Variants in KIF5C observed in about 807,000 individuals in gnomAD.
KIF5C encodes kinesin family member 5C, also known as kinesin heavy chain isoform 5C.
A neutral mutation model predicts 125.2 loss-of-function variants in KIF5C; 18 were observed. The observed-to-expected ratio is 0.14, with a 90% CI of 0.10 to 0.21. The LOEUF is 0.21. KIF5C is among the 10% of genes least tolerant of loss of function. The pLI, the probability that KIF5C is intolerant of heterozygous loss-of-function variation, is 1.00. For synonymous variants in KIF5C, 405 were observed against 434.0 expected (o/e 0.93, Z 0.83); for missense variants, 780 against 1,183.8 (o/e 0.66, Z 5.01).
chr2:149,005,820 CAG>C (rs1272931512), intron 22 of KIF5C, among the ~76,000 whole-genome samples: 1 of 152,198 alleles, frequency 6.6e-6, no homozygotes, highest in Non-Finnish European at 1.5e-5. Context: ...AGAAGTCGGA[CAG>C]AGAGAGCCTC....
intron 17 of KIF5C, among the ~76,000 whole-genome samples, chr2:148,996,377 T>G (rs1681673968): frequency 1.3e-5 from 2 of 152,242 alleles, no homozygotes; most frequent in South Asian, 4.1e-4. Context: ...ATGTTCTTTG[T>G]GTGGTAACAC....
At chr2:148,885,886 G>A (rs1681506812) in intron 1 of KIF5C, 1 of 152,180 alleles carries the variant, frequency 6.6e-6, no homozygotes, top group Non-Finnish European at 1.5e-5. Flanking sequence ...TTGACACATG[G>A]TGGGACTCTT....
intron 11 of KIF5C, among the ~76,000 whole-genome samples, chr2:148,969,750 T>C (rs988276917): frequency 6.6e-6 from 1 of 152,182 alleles, no homozygotes; most frequent in Admixed American, 6.5e-5. Flanking sequence ...TCCACTGCAG[T>C]GCAGGGAATA....
intron 25 of KIF5C, among the ~76,000 whole-genome samples, chr2:149,021,992 T>G (rs1682546220): frequency 6.6e-6 from 1 of 152,130 alleles, no homozygotes; most frequent in Non-Finnish European, 1.5e-5. Context: ...ACAGAGGCCA[T>G]TCAGGCTGGT....
chr2:148,997,223 C>T (rs774389843), intron 17 of KIF5C, 41 bp from the exon 18 acceptor site: 2 of 1,590,510 alleles, frequency 1.3e-6, no homozygotes, highest in South Asian at 1.1e-5. Flanking sequence ...GTGTGAGTCC[C>T]ACCAGTTAAG....
chr2:148,887,412 C>A (rs1222056649), intron 1 of KIF5C, among the ~76,000 whole-genome samples: 1 of 151,744 alleles, frequency 6.6e-6, no homozygotes, highest in Non-Finnish European at 1.5e-5. Context: ...TATGGAGAGT[C>A]TATTGTGTGC....
At chr2:148,919,207 T>A (rs1273796631) in intron 1 of KIF5C, among the ~76,000 whole-genome samples, 1 of 152,064 alleles carries the variant, frequency 6.6e-6, no homozygotes, top group African/African-American at 2.4e-5. Context: ...AACTCAAGAG[T>A]GTAGACAGAA....
chr2:148,969,441 G>GTGTA (rs1376720500), intron 11 of KIF5C, among the ~76,000 whole-genome samples: 4 of 151,362 alleles, frequency 2.6e-5, no homozygotes, highest in Non-Finnish European at 4.4e-5. Flanking sequence ...GTGTGTGTGT[G>GTGTA]TGTGTGTGTG....
At chr2:148,934,147 CACAG>C (rs1682237220) in intron 3 of KIF5C, among the ~76,000 whole-genome samples, 1 of 151,394 alleles carries the variant, frequency 6.6e-6, no homozygotes, top group African/African-American at 2.4e-5. Context: ...ATCATACACA[CACAG>C]ACATATACAC....
intron 12 of KIF5C, among the ~76,000 whole-genome samples, chr2:148,975,320 C>T (rs1309426625): frequency 6.6e-6 from 1 of 152,122 alleles, no homozygotes. Context: ...GGAGGCACTT[C>T]CATGTTTCTG....
Position 148,937,013 on chromosome 2 carries a change from C to T in KIF5C, c.292-271C>T, listed in dbSNP as rs78527660. Among the ~76,000 whole-genome samples the T allele has an allele frequency of 1.0e-3, 152 of 152,244 alleles. 3 individuals are homozygous for T. In the East Asian group the frequency reaches 0.021, roughly 21 times the overall value. On this transcript the variant is annotated intron_variant, in intron 3 of 25. Transcript: ENST00000435030. ...GCCACATAGACTCTGATTTTGTTTC[C>T]TTGAGTGGCAGCTGGAGGCAATAAT...
rs1243490388 is a variant in KIF5C, at chr2:149,026,001, G to C, written c.*2931G>C. 3 of 152,604 alleles carry C rather than the reference G, an allele frequency of 2.0e-5. No homozygotes were observed. Among genetic ancestry groups the C allele is most frequent in the Admixed American group, 1.3e-4 (2 of 15,276 alleles). The allele number at this position is 152,604 out of a possible 1,614,324, so 9.5% of individuals were successfully genotyped here. On this transcript the variant is annotated 3_prime_UTR_variant, in exon 26 of 26. Coordinates refer to ENST00000435030, the MANE Select transcript of KIF5C (RefSeq NM_004522.3). ...ATGAAGAAATAAAAATGTTTGTCTA[G>C]AATGTAGCATCTAGTGACTTTTTAA...
chr2:148,897,040 C>T, intron 1 of KIF5C, among the ~76,000 whole-genome samples: 1 of 152,132 alleles, frequency 6.6e-6, no homozygotes, highest in East Asian at 1.9e-4. Flanking sequence ...ACGATGTTGG[C>T]CAGGCTGGTC....
In KIF5C at chr2:148,939,075, A is replaced by G. The variant is rs562538926; in HGVS notation, c.396+1687A>G. ...ACTCCACCACACTCTAGCCTGGGCG[A>G]CAGAGAGAGATTCTGTCTTAAAAAA... is the stretch of plus-strand genomic sequence containing the variant. On this transcript the variant is annotated intron_variant, in intron 4 of 25. Coordinates refer to ENST00000435030, the MANE Select transcript of KIF5C (RefSeq NM_004522.3). 1.0e-4 allele frequency among the ~76,000 whole-genome samples: 15 copies of G among 147,852 alleles called. 1 individual carries two copies. The South Asian group carries it at 3.3e-3, about 32-fold the overall frequency.
In KIF5C at chr2:148,875,428, C is replaced by T; in HGVS notation, c.-190C>T. On this transcript the variant is annotated 5_prime_UTR_variant, in exon 1 of 26. Coordinates refer to ENST00000435030, the MANE Select transcript of KIF5C (RefSeq NM_004522.3). ...GGAGGGGCCGGAGCGGAGAAGCTGC[C>T]CACCTTCCCGGGCTCGGAGCGGCCG... 1.8e-6 allele frequency: 1 copy of T among 553,640 alleles called. No homozygotes were observed. The highest frequency in any genetic ancestry group is 2.2e-5 in the South Asian group (1 of 45,434). 34.3% of individuals were successfully genotyped at this position (553,640 alleles called of 1,614,324 possible).
chr2:148,908,218 A>G (rs1264313323), intron 1 of KIF5C, among the ~76,000 whole-genome samples: 5 of 152,200 alleles, frequency 3.3e-5, no homozygotes, highest in African/African-American at 1.2e-4. Context: ...AATGCATCAG[A>G]GACAGACTAG....
intron 1 of KIF5C, among the ~76,000 whole-genome samples, chr2:148,880,215 G>A (rs1001413276): frequency 6.6e-6 from 1 of 152,034 alleles, no homozygotes; most frequent in African/African-American, 2.4e-5. Context: ...CTGCCTCCTG[G>A]GTTCAAGCAA....
rs142403832 is a variant in KIF5C at position 148,962,082 on chromosome 2, C to T, written c.1080C>T (p.Ile360=). 79 of 1,612,346 alleles carry T rather than the reference C, an allele frequency of 4.9e-5. No individual in the cohort carries two copies. Among genetic ancestry groups the T allele is most frequent in the Non-Finnish European group, 6.0e-5 (71 of 1,179,104 alleles). Residue 360 remains isoleucine, a synonymous_variant, in exon 11 of 26, where the codon ATC becomes ATT. Transcript: ENST00000435030. ...AAAACAAGACTTTGAAGAATGTTAT[C>T]CAGCATCTGGAGATGGAGCTAAACA... ...KEKNKTLKNV[I]QHLEMELNRW...
chr2:148,964,590 A>G (rs1427156398), intron 11 of KIF5C, among the ~76,000 whole-genome samples: 1 of 152,222 alleles, frequency 6.6e-6, no homozygotes, highest in Non-Finnish European at 1.5e-5. Flanking sequence ...CACAGGTGCC[A>G]AGAGTTATAC....
Sources: allele counts gnomAD v4.1 joint callset (sites outside exome capture counted in the v4.1 genomes callset), GRCh38; gene constraint gnomAD v4.1.1; transcripts MANE v1.5; gene names NCBI Gene and HGNC (gene_info 2026-07-23, HGNC 2026-07-21).